MCTP1: variants seen among roughly 807,000 people sequenced by gnomAD.
The protein encoded by MCTP1 is multiple C2 and transmembrane domain containing 1, also known as multiple C2 and transmembrane domain-containing protein 1.
MCTP1 carries 69 observed loss-of-function variants against 120.6 expected under a neutral mutation model. The observed-to-expected ratio is 0.57, with a 90% CI of 0.47 to 0.70. The LOEUF is 0.70. Among genes scored for constraint, MCTP1 ranks in the 30% least tolerant of loss-of-function variants. The probability of loss-of-function intolerance (pLI) is 0.00; values close to 1 mark genes in which losing one functional copy is unlikely to be tolerated. For synonymous variants in MCTP1, 529 were observed against 493.1 expected (o/e 1.07, Z -0.96); for missense variants, 1,203 against 1,248.8 (o/e 0.96, Z 0.55).
chr5:95,266,413 G>T (rs986948644), intron 1 of MCTP1, among the ~76,000 whole-genome samples: 1 of 152,074 alleles, frequency 6.6e-6, no homozygotes, highest in African/African-American at 2.4e-5. Flanking sequence ...CATTTCTATG[G>T]GGAAAATACC....
chr5:94,733,101 TAGAG>T (rs1763440015), intron 19 of MCTP1, among the ~76,000 whole-genome samples: 2 of 152,324 alleles, frequency 1.3e-5, no homozygotes, highest in Non-Finnish European at 1.5e-5. Flanking sequence ...CTAGTTGTGT[TAGAG>T]AGTGTTAAAA....
intron 1 of MCTP1, among the ~76,000 whole-genome samples, chr5:95,148,465 T>C (rs1211867420): frequency 2.0e-5 from 3 of 152,372 alleles, no homozygotes; most frequent in East Asian, 1.9e-4. Context: ...CTGACATTCT[T>C]TCCTCAGCTT....
chr5:95,134,762 G>A (rs1391352476), intron 1 of MCTP1, among the ~76,000 whole-genome samples: 1 of 152,074 alleles, frequency 6.6e-6, no homozygotes, highest in Non-Finnish European at 1.5e-5. Context: ...CAGAGTCAGA[G>A]TGGGACAATG....
intron 1 of MCTP1, among the ~76,000 whole-genome samples, chr5:95,119,227 A>G (rs1394259016): frequency 6.6e-6 from 1 of 152,238 alleles, no homozygotes; most frequent in Non-Finnish European, 1.5e-5. Context: ...ATCAATAACC[A>G]GAGGGATTTG....
At position 95,070,914 on chromosome 5, in the gene MCTP1, C is replaced by G. The variant is rs147481209; in HGVS notation, c.721-53430G>C. Among the ~76,000 whole-genome samples, 156 of 152,220 alleles carry G rather than the reference C, an allele frequency of 1.0e-3. 1 individual carries two copies. The highest frequency in any genetic ancestry group is 3.5e-3 in the African/African-American group (145 of 41,534). On this transcript the variant is annotated intron_variant, in intron 1 of 22. Transcript: ENST00000515393. ...TGGTTGGGAGAGTTGGGAGAAGAGT[C>G]TGGCATCTCTCAGTGGGGAGGTGGC...
chr5:94,741,734 G>A (rs1349409056), intron 19 of MCTP1, among the ~76,000 whole-genome samples: 1 of 152,238 alleles, frequency 6.6e-6, no homozygotes, highest in African/African-American at 2.4e-5. Context: ...CCTTTTGGAT[G>A]AGGAATTTCT....
chr5:95,247,734 G>C (rs1444625403), intron 1 of MCTP1, among the ~76,000 whole-genome samples: 1 of 152,176 alleles, frequency 6.6e-6, no homozygotes, highest in African/African-American at 2.4e-5. Context: ...GTTCTAATTT[G>C]ATTGCACTGT....
intron 1 of MCTP1, among the ~76,000 whole-genome samples, chr5:95,106,987 A>T (rs1330293964): frequency 6.6e-6 from 1 of 152,250 alleles, no homozygotes; most frequent in Non-Finnish European, 1.5e-5. Context: ...ATCTAAAATT[A>T]GTATTCTAGA....
chr5:95,210,988 T>C (rs1053604501), intron 1 of MCTP1, among the ~76,000 whole-genome samples: 3 of 152,080 alleles, frequency 2.0e-5, no homozygotes, highest in Non-Finnish European at 4.4e-5. Context: ...TCTTTAAGAA[T>C]GTTGAATATT....
chr5:95,022,393 T>C (rs896857677), intron 1 of MCTP1, among the ~76,000 whole-genome samples: 10 of 152,204 alleles, frequency 6.6e-5, no homozygotes, highest in Non-Finnish European at 1.5e-4. Flanking sequence ...CTTCCCTTCT[T>C]GTTTCCCGTG....
intron 1 of MCTP1, among the ~76,000 whole-genome samples, chr5:95,215,065 T>C (rs1752885043): frequency 6.6e-6 from 1 of 152,150 alleles, no homozygotes; most frequent in South Asian, 2.1e-4. Context: ...TATCTCCTAA[T>C]TGTCTCTTTG....
intron 1 of MCTP1, among the ~76,000 whole-genome samples, chr5:95,087,004 C>T (rs1458192643): frequency 1.3e-5 from 2 of 152,136 alleles, no homozygotes; most frequent in Non-Finnish European, 1.5e-5. Flanking sequence ...ATATCTGTAG[C>T]TCTACAAAAA....
intron 1 of MCTP1, among the ~76,000 whole-genome samples, chr5:95,026,738 G>A (rs1839339711): frequency 6.6e-6 from 1 of 152,082 alleles, no homozygotes; most frequent in African/African-American, 2.4e-5. Context: ...CATGCCAAGT[G>A]GATTGTAGAT....
At chr5:95,046,291 T>C (rs1267084779) in intron 1 of MCTP1, among the ~76,000 whole-genome samples, 3 of 152,062 alleles carry the variant, frequency 2.0e-5, no homozygotes, top group Non-Finnish European at 2.9e-5. Flanking sequence ...CTTTAGAAAA[T>C]ACACAGAAAC....
chr5:95,039,369 C>G (rs1841925374), intron 1 of MCTP1, among the ~76,000 whole-genome samples: 1 of 152,128 alleles, frequency 6.6e-6, no homozygotes, highest in Non-Finnish European at 1.5e-5. Context: ...CTCTTTAGAA[C>G]TCTTCATCCA....
intron 19 of MCTP1, among the ~76,000 whole-genome samples, chr5:94,728,628 G>A (rs912154925): frequency 1.3e-5 from 2 of 152,136 alleles, no homozygotes; most frequent in African/African-American, 4.8e-5. Flanking sequence ...GAGTTGATGT[G>A]GGAACAGAAT....
chr5:95,152,370 A>G (rs1036500817), intron 1 of MCTP1, among the ~76,000 whole-genome samples: 2 of 152,344 alleles, frequency 1.3e-5, no homozygotes, highest in East Asian at 3.9e-4. Flanking sequence ...ATAGCCAAAG[A>G]AATGCATTCT....
At chr5:95,101,136 G>A (rs1756699020) in intron 1 of MCTP1, among the ~76,000 whole-genome samples, 1 of 152,086 alleles carries the variant, frequency 6.6e-6, no homozygotes, top group South Asian at 2.1e-4. Context: ...CTGTTTGATG[G>A]AATAAGACAA....
intron 1 of MCTP1, among the ~76,000 whole-genome samples, chr5:95,140,411 G>A (rs868627293): frequency 1.3e-5 from 2 of 151,972 alleles, no homozygotes; most frequent in Non-Finnish European, 2.9e-5. Context: ...GAGGACAGAA[G>A]GCATTTTCAT....
Sources: gnomAD v4.1 joint callset for allele counts (sites outside exome capture counted in the v4.1 genomes callset) on GRCh38, gnomAD v4.1.1 for gene constraint, MANE v1.5 for transcripts, NCBI Gene and HGNC (gene_info 2026-07-23, HGNC 2026-07-21) for gene names.